Variants in ALG11 observed in about 807,000 individuals in gnomAD.
ALG11 encodes the protein GDP-Man:Man(3)GlcNAc(2)-PP-Dol alpha-1,2-mannosyltransferase.
ALG11 carries 26 observed loss-of-function variants against 38.8 expected under a neutral mutation model. The observed-to-expected ratio is 0.67, with a 90% CI of 0.49 to 0.93. ALG11 has a LOEUF of 0.93. Among genes scored for constraint, ALG11 ranks in the 40% least tolerant of loss-of-function variants. ALG11 has a pLI of 0.00. For synonymous variants in ALG11, 199 were observed against 211.6 expected (o/e 0.94, Z 0.52); for missense variants, 535 against 578.8 (o/e 0.92, Z 0.78).
chr13:52,023,227 CTG>C, intron 2 of ALG11: 1 of 152,248 alleles, frequency 6.6e-6, no homozygotes, highest in African/African-American at 2.4e-5. Context: ...ACTAAGAACA[CTG>C]TCAAAACTTT....
chr13:52,021,965 A>T (rs1186699570), intron 2 of ALG11: 1 of 152,238 alleles, frequency 6.6e-6, no homozygotes, highest in African/African-American at 2.4e-5. Flanking sequence ...GGAAACTGGC[A>T]CAATGTCACT....
At position 52,029,241 on chromosome 13, in the gene ALG11, T is replaced by A. The variant is rs771034014; in HGVS notation, c.*651T>A. On this transcript the variant is annotated 3_prime_UTR_variant, in exon 4 of 4. Transcript: ENST00000521508. ...CAGGTCCTCTCCAAATGGGACCCTA[T>A]CATCCTGAAGAACCAGCAGGCAGAG... 18 of 1,614,030 alleles carry A rather than the reference T, an allele frequency of 1.1e-5. No homozygotes were observed. In the South Asian group the frequency reaches 1.9e-4, roughly 17 times the overall value.
intron 1 of ALG11, among the ~76,000 whole-genome samples, chr13:52,015,112 T>C (rs1379630639): frequency 6.6e-6 from 1 of 152,200 alleles, no homozygotes; most frequent in Non-Finnish European, 1.5e-5. Context: ...CAATAAAATA[T>C]TTACTTCTGG....
At position 52,024,716 on chromosome 13, in the gene ALG11, A is replaced by C; in HGVS notation, c.986A>C (p.Lys329Thr). The change falls in exon 3 of 4, where the codon AAG becomes ACG. Residue 329 changes from lysine (K) to threonine (T), a missense_variant. By Grantham distance (78) the Lys-to-Thr change is moderately conservative. Coordinates refer to ENST00000521508, the MANE Select transcript of ALG11 (RefSeq NM_001004127.3). ...GCCTTTGCTAAATTGCTGAATAAGA[A>C]GATGGTTGAGTCACCTCCTTCGCTT... ...IRAFAKLLNK[K>T]MVESPPSLKL... 1 of 1,614,232 alleles carries C rather than the reference A, an allele frequency of 6.2e-7. No individual in the cohort carries two copies. Among genetic ancestry groups the C allele is most frequent in the East Asian group, 2.2e-5 (1 of 44,884 alleles).
intron 3 of ALG11, among the ~76,000 whole-genome samples, chr13:52,026,884 G>A (rs1484122287): frequency 2.0e-5 from 3 of 152,330 alleles, no homozygotes; most frequent in East Asian, 3.9e-4. Flanking sequence ...TCCCGTGGAT[G>A]TGGTTAAGAT....
rs1305173453 is a variant in ALG11 at position 52,012,450 on chromosome 13, G to A, written c.32G>A (p.Cys11Tyr). MAAGERSWCL[C>Y]KLLRFFYSLF... Reference sequence around the variant, plus strand: ...GCCGGCGAAAGGAGCTGGTGCCTGTGCAAGTTGTTGAGGTGAGCAGCCGGT... The same window carrying A: ...GCCGGCGAAAGGAGCTGGTGCCTGTACAAGTTGTTGAGGTGAGCAGCCGGT... Residue 11 changes from cysteine (C) to tyrosine (Y), a missense_variant, in exon 1 of 4, where the codon TGC (cysteine) becomes TAC (tyrosine). By Grantham distance (194) the Cys-to-Tyr change is radical (BLOSUM62 -2). Transcript: ENST00000521508. 2 of 1,614,134 alleles carry A rather than the reference G, an allele frequency of 1.2e-6. No homozygotes were observed. Among genetic ancestry groups the A allele is most frequent in the Non-Finnish European group, 1.7e-6 (2 of 1,180,046 alleles).
chr13:52,029,713 A>C lies in ALG11; in HGVS notation c.*1123A>C. 1 of 1,614,224 alleles carries C rather than the reference A, an allele frequency of 6.2e-7. No homozygotes were observed. Among genetic ancestry groups the C allele is most frequent in the South Asian group, 1.1e-5 (1 of 91,088 alleles). ...GCCTTAAGCACCAAAACAGTGGGAA[A>C]TGGGCCAAGTCAAAGGCAATTATGG... On this transcript the variant is annotated 3_prime_UTR_variant, in exon 4 of 4. Transcript: ENST00000521508.
rs550517674 is a variant in ALG11, at chr13:52,033,233, T to G, written c.*4643T>G. ...GTCTGCAGAACTTTCAGGATGACTA[T>G]TAATTCCTCTCAGATGTCATTTTTG... On this transcript the variant is annotated 3_prime_UTR_variant, in exon 4 of 4. Transcript: ENST00000521508. 2.4e-5 allele frequency: 4 copies of G among 167,198 alleles called. No homozygotes were observed. Among genetic ancestry groups the G allele is most frequent in the South Asian group, 4.1e-4 (2 of 4,826 alleles). 10.4% of individuals were successfully genotyped at this position (167,198 alleles called of 1,614,324 possible).
chr13:52,022,758 G>A (rs1487387954), intron 2 of ALG11: 1 of 149,868 alleles, frequency 6.7e-6, no homozygotes, highest in African/African-American at 2.5e-5. Context: ...GAGTGCAGTG[G>A]TGCGATCTTG....
At position 52,029,795 on chromosome 13, in the gene ALG11, G is replaced by A; in HGVS notation, c.*1205G>A. ...GCAGGAACAGTTGGCCAAGAACAAAGAACTGACACAGAAACTCCAGGTAGC... is the reference window on the plus strand; with the variant it reads ...GCAGGAACAGTTGGCCAAGAACAAAAAACTGACACAGAAACTCCAGGTAGC... On this transcript the variant is annotated 3_prime_UTR_variant, in exon 4 of 4. Coordinates refer to ENST00000521508, the MANE Select transcript of ALG11 (RefSeq NM_001004127.3). The A allele has an allele frequency of 6.2e-7, 1 of 1,614,206 alleles. No homozygotes were observed. The highest frequency in any genetic ancestry group is 1.1e-5 in the South Asian group (1 of 91,088).
intron 1 of ALG11, among the ~76,000 whole-genome samples, chr13:52,013,203 C>T (rs1355566198): frequency 6.6e-6 from 1 of 152,188 alleles, no homozygotes; most frequent in African/African-American, 2.4e-5. Flanking sequence ...ACTAATAAAA[C>T]AGAAGGCCTA....
chr13:52,014,035 G>A (rs1207454701), intron 1 of ALG11, among the ~76,000 whole-genome samples: 1 of 152,196 alleles, frequency 6.6e-6, no homozygotes, highest in African/African-American at 2.4e-5. Context: ...CTTGTCAAAT[G>A]TGGTCTAGCA....
At position 52,033,097 on chromosome 13, in the gene ALG11, T is replaced by C. The variant is rs1954321225; in HGVS notation, c.*4507T>C. 1 of 167,142 alleles carries C rather than the reference T, an allele frequency of 6.0e-6. No homozygotes were observed. The highest frequency in any genetic ancestry group is 1.9e-4 in the East Asian group (1 of 5,212). 10.4% of individuals were successfully genotyped at this position (167,142 alleles called of 1,614,324 possible). A position where few individuals can be genotyped will look rare whatever the true frequency, so the allele number is the denominator to read the frequency against. On this transcript the variant is annotated 3_prime_UTR_variant, in exon 4 of 4. Coordinates refer to ENST00000521508, the MANE Select transcript of ALG11 (RefSeq NM_001004127.3). Reference sequence around the variant, plus strand: ...ATCACAGATATATCATTGGAAGATATAATTTGCATATATGTTCATTATCAG... The same window carrying C: ...ATCACAGATATATCATTGGAAGATACAATTTGCATATATGTTCATTATCAG...
chr13:52,024,207 T>C lies in ALG11; in HGVS notation c.477T>C (p.Leu159=). 1 of 1,614,204 alleles carries C rather than the reference T, an allele frequency of 6.2e-7. No homozygotes were observed. The change falls in exon 3 of 4, where the codon CTT becomes CTC. Residue 159 remains leucine (L), a synonymous_variant. Coordinates refer to ENST00000521508, the MANE Select transcript of ALG11 (RefSeq NM_001004127.3). Reference sequence around the variant, plus strand: ...GCCAAAGTCTAGGATCCATTTTTCTTGGCTGGGAAGCTCTAATGCAGTGTG... The same window carrying C: ...GCCAAAGTCTAGGATCCATTTTTCTCGGCTGGGAAGCTCTAATGCAGTGTG... ...LLGQSLGSIF[L]GWEALMQCVP... is the part of the protein sequence containing the mutation.
Position 52,031,231 on chromosome 13 carries a change from T to TA in ALG11, c.*2648dup. 2.9e-6 allele frequency: 4 copies of TA among 1,396,908 alleles called. No homozygotes were observed. Among genetic ancestry groups the TA allele is most frequent in the Non-Finnish European group, 3.8e-6 (4 of 1,044,528 alleles). 86.5% of individuals were successfully genotyped at this position (1,396,908 alleles called of 1,614,324 possible). A position where few individuals can be genotyped will look rare whatever the true frequency, so the allele number is the denominator to read the frequency against. ...TTGCATGTAGTTGAGCCACATTTTT[T>TA]AAAAAAAGAAAATGGATGACCATTA... On this transcript the variant is annotated 3_prime_UTR_variant, in exon 4 of 4. Coordinates refer to ENST00000521508, the MANE Select transcript of ALG11 (RefSeq NM_001004127.3).
chr13:52,023,059 A>G (rs1450231380), intron 2 of ALG11: 2 of 152,264 alleles, frequency 1.3e-5, no homozygotes, highest in Non-Finnish European at 2.9e-5. Context: ...TTTCATACTA[A>G]TTATATCTAA....
chr13:52,031,231 TA>T lies in ALG11; in HGVS notation c.*2648del, dbSNP rs1566715577. 1 of 1,396,912 alleles carries T rather than the reference TA, an allele frequency of 7.2e-7. No individual in the cohort carries two copies. Among genetic ancestry groups the T allele is most frequent in the South Asian group, 1.6e-5 (1 of 63,298 alleles). The allele number at this position is 1,396,912 out of a possible 1,614,324, so 86.5% of individuals were successfully genotyped here. ...TTGCATGTAGTTGAGCCACATTTTT[TA>T]AAAAAAGAAAATGGATGACCATTAA... On this transcript the variant is annotated 3_prime_UTR_variant, in exon 4 of 4. Transcript: ENST00000521508.
At chr13:52,012,598 G>C (rs1954082406) in intron 1 of ALG11, 136 bp downstream of exon 1, 3 of 1,231,604 alleles carry the variant, frequency 2.4e-6, no homozygotes. Flanking sequence ...CCAATGAGCA[G>C]TCTTTCTTTT....
At position 52,032,540 on chromosome 13, in the gene ALG11, A is replaced by C. The variant is rs1352394007; in HGVS notation, c.*3950A>C. The stretch of plus-strand genomic sequence containing the variant: ...TGATTCATCTTTGTGTTAAGGGGCA[A>C]ATGAAACGGTATATTATTTCTTTGC... On this transcript the variant is annotated 3_prime_UTR_variant, in exon 4 of 4. Transcript: ENST00000521508. The C allele has an allele frequency of 6.0e-6, 1 of 167,070 alleles. No homozygotes were observed. The highest frequency in any genetic ancestry group is 1.5e-5 in the Non-Finnish European group (1 of 68,118). The allele number at this position is 167,070 out of a possible 1,614,324, so 10.3% of individuals were successfully genotyped here. A position where few individuals can be genotyped will look rare whatever the true frequency, so the allele number is the denominator to read the frequency against.
Sources: allele counts gnomAD v4.1 joint callset (sites outside exome capture counted in the v4.1 genomes callset), GRCh38; gene constraint gnomAD v4.1.1; transcripts MANE v1.5; gene names NCBI Gene and HGNC (gene_info 2026-07-23, HGNC 2026-07-21).